Variants in NEK1 observed in about 807,000 individuals in gnomAD.
NEK1 encodes serine/threonine-protein kinase Nek1.
In NEK1, 137 loss-of-function variants were observed where a neutral mutation model predicts 182.1. The observed-to-expected ratio is 0.75, with a 90% CI of 0.65 to 0.87. The LOEUF (loss-of-function observed/expected upper bound fraction) is 0.87. Among genes scored for constraint, NEK1 ranks in the 40% least tolerant of loss-of-function variants. The pLI is 0.00. For synonymous variants in NEK1, 513 were observed against 492.2 expected, an observed-to-expected ratio of 1.04 and a Z score of -0.56; for missense variants, 1,391 against 1,494.4, an observed-to-expected ratio of 0.93 and a Z score of 1.14.
intron 2 of NEK1, among the ~76,000 whole-genome samples, chr4:169,611,301 T>TG (rs1480803631): frequency 1.3e-5 from 2 of 152,180 alleles, no homozygotes; most frequent in African/African-American, 4.8e-5. Context: ...AATAGGCTCC[T>TG]TACATTTCAC....
At chr4:169,428,351 G>GATATATGTATATATAT (rs1736774059) in intron 29 of NEK1, among the ~76,000 whole-genome samples, 1 of 93,224 alleles carries the variant, frequency 1.1e-5, no homozygotes, top group Non-Finnish European at 2.2e-5. Flanking sequence ...AAATATATGG[G>GATATATGTATATATAT]ATATATATAT....
intron 23 of NEK1, among the ~76,000 whole-genome samples, chr4:169,497,009 A>G (rs1032950774): frequency 1.3e-5 from 2 of 152,160 alleles, no homozygotes; most frequent in African/African-American, 4.8e-5. Flanking sequence ...CTCTGGTAGA[A>G]TTCGGCTGTG....
chr4:169,440,851 G>T (rs1481564019), intron 27 of NEK1, among the ~76,000 whole-genome samples: 1 of 152,166 alleles, frequency 6.6e-6, no homozygotes, highest in Non-Finnish European at 1.5e-5. Context: ...ATTCTAGAGA[G>T]GAAGTTTGTG....
chr4:169,473,291 G>A (rs1200405462), intron 26 of NEK1, among the ~76,000 whole-genome samples: 1 of 151,554 alleles, frequency 6.6e-6, no homozygotes, highest in Non-Finnish European at 1.5e-5. Context: ...TTCTAAGTGG[G>A]AGCTAAACAA....
In NEK1 at chr4:169,555,459, T is replaced by C. The variant is rs1762029133; in HGVS notation, c.1562+261A>G. 1.2e-5 allele frequency: 5 copies of C among 401,734 alleles called. No individual in the cohort carries two copies. In the South Asian group the frequency reaches 1.3e-4, roughly 10 times the overall value. The allele number at this position is 401,734 out of a possible 1,614,324, so 24.9% of individuals were successfully genotyped here. On this transcript the variant is annotated intron_variant, in intron 18 of 35. Transcript: ENST00000507142. ...AAATGTTATAATTATGTTGGCAGAATGTTATCACATGTTCCTTTAAATAGT... is the reference window on the plus strand; with the variant it reads ...AAATGTTATAATTATGTTGGCAGAACGTTATCACATGTTCCTTTAAATAGT...
chr4:169,583,243 G>T (rs1411807894), intron 10 of NEK1, among the ~76,000 whole-genome samples: 2 of 145,270 alleles, frequency 1.4e-5, no homozygotes, highest in Non-Finnish European at 1.5e-5. Context: ...CTCTAGCCTG[G>T]GTGACAGAGT....
chr4:169,477,601 C>T (rs1747208691), intron 24 of NEK1, 104 bp from the exon 25 acceptor site: 3 of 831,296 alleles, frequency 3.6e-6, no homozygotes, highest in East Asian at 5.6e-5. Context: ...TTAATTTGTT[C>T]CTTGTAAATT....
intron 22 of NEK1, among the ~76,000 whole-genome samples, chr4:169,507,448 T>C (rs1753498158): frequency 1.3e-5 from 2 of 152,170 alleles, no homozygotes; most frequent in Admixed American, 6.5e-5. Flanking sequence ...TATATTCGTA[T>C]ATTTTTTATT....
chr4:169,549,324 A>G (rs1761055325), intron 18 of NEK1, among the ~76,000 whole-genome samples: 1 of 152,150 alleles, frequency 6.6e-6, no homozygotes, highest in African/African-American at 2.4e-5. Context: ...TGAACTGGGT[A>G]CCTCAGTTGG....
intron 29 of NEK1, among the ~76,000 whole-genome samples, chr4:169,432,904 C>G (rs4692728): frequency 0.82 from 124,400 of 152,014 alleles, 52,000 homozygotes; most frequent in South Asian, 0.92. Context: ...CTCCTGAGTA[C>G]CTGGGATTAT....
chr4:169,408,069 A>C (rs984183111), intron 31 of NEK1, among the ~76,000 whole-genome samples: 2 of 152,220 alleles, frequency 1.3e-5, no homozygotes, highest in African/African-American at 2.4e-5. Context: ...GTATATTATA[A>C]ACTAGCAATA....
At chr4:169,402,746 C>T (rs1006052321) in intron 32 of NEK1, among the ~76,000 whole-genome samples, 4 of 152,162 alleles carry the variant, frequency 2.6e-5, no homozygotes, top group Non-Finnish European at 4.4e-5. Flanking sequence ...GTCAAGGCCA[C>T]ATAGTCAGTA....
chr4:169,588,341 T>G (rs1767867419), intron 8 of NEK1, among the ~76,000 whole-genome samples: 1 of 152,138 alleles, frequency 6.6e-6, no homozygotes. Context: ...ACCTGGCTTA[T>G]AGTGTGTTCA....
intron 32 of NEK1, among the ~76,000 whole-genome samples, chr4:169,404,000 TAA>T (rs1410748966): frequency 6.6e-6 from 1 of 152,146 alleles, no homozygotes; most frequent in Non-Finnish European, 1.5e-5. Context: ...GCTTCTAACT[TAA>T]GTTTTAAAAT....
intron 27 of NEK1, among the ~76,000 whole-genome samples, chr4:169,444,642 A>G (rs1374987067): frequency 1.3e-5 from 2 of 152,214 alleles, no homozygotes; most frequent in Non-Finnish European, 2.9e-5. Context: ...ATAGACTCCA[A>G]TATAATAAGA....
At chr4:169,578,555 T>C (rs1483832794) in intron 11 of NEK1, among the ~76,000 whole-genome samples, 1 of 152,194 alleles carries the variant, frequency 6.6e-6, no homozygotes, top group African/African-American at 2.4e-5. Flanking sequence ...AAAATGTTCA[T>C]CATATAATAG....
At chr4:169,487,348 G>T (rs1243368932) in intron 23 of NEK1, among the ~76,000 whole-genome samples, 1 of 152,108 alleles carries the variant, frequency 6.6e-6, no homozygotes, top group African/African-American at 2.4e-5. Flanking sequence ...AATGTGTGTT[G>T]TTCCCACCAA....
In NEK1 at chr4:169,500,902, G is replaced by A. The variant is rs1302752523; in HGVS notation, c.2007+6135C>T. Among the ~76,000 whole-genome samples the A allele has an allele frequency of 2.6e-5, 4 of 152,252 alleles. No homozygotes were observed. In the South Asian group the frequency reaches 6.2e-4, roughly 24 times the overall value. On this transcript the variant is annotated intron_variant, in intron 23 of 35. Transcript: ENST00000507142. ...CACTAAGAGAGGAAGAAAACCTCAC[G>A]TATCAGTATTAACGCTGAACATAAA... is the stretch of plus-strand genomic sequence containing the variant.
intron 27 of NEK1, among the ~76,000 whole-genome samples, chr4:169,460,669 T>C (rs1743803593): frequency 6.6e-6 from 1 of 151,910 alleles, no homozygotes; most frequent in South Asian, 2.1e-4. Context: ...GGACTTTAAG[T>C]AAAAAGAAAG....
Sources: gnomAD v4.1 joint callset for allele counts (sites outside exome capture counted in the v4.1 genomes callset) on GRCh38, gnomAD v4.1.1 for gene constraint, MANE v1.5 for transcripts, NCBI Gene and HGNC (gene_info 2026-07-23, HGNC 2026-07-21) for gene names.